IGF1R: variants seen among roughly 807,000 people sequenced by gnomAD.
IGF1R encodes the protein insulin-like growth factor 1 receptor.
Under a neutral mutation model 144.6 loss-of-function variants are expected in IGF1R, and 44 were observed. The ratio of observed to expected loss-of-function variants is 0.30; its 90% CI spans 0.24 to 0.39. IGF1R has a LOEUF of 0.39. IGF1R is among the 10% of genes least tolerant of loss of function. IGF1R has a pLI of 1.00. For synonymous variants in IGF1R, 795 were observed against 722.8 expected (o/e 1.10, Z -1.60); for missense variants, 1,355 against 1,833.7 (o/e 0.74, Z 4.77).
chr15:98,693,258 T>TA (rs1348425321), intron 1 of IGF1R, among the ~76,000 whole-genome samples: 1 of 152,240 alleles, frequency 6.6e-6, no homozygotes, highest in Non-Finnish European at 1.5e-5. Context: ...TGATGTTGGC[T>TA]ACGGGCAGGG....
chr15:98,844,904 T>C (rs1596352442), intron 2 of IGF1R, among the ~76,000 whole-genome samples: 1 of 152,324 alleles, frequency 6.6e-6, no homozygotes, highest in East Asian at 1.9e-4. Context: ...GCTTCAACTA[T>C]AATTACATTT....
intron 1 of IGF1R, among the ~76,000 whole-genome samples, chr15:98,656,819 A>C (rs528604231): frequency 1.3e-5 from 2 of 152,172 alleles, no homozygotes; most frequent in African/African-American, 2.4e-5. Context: ...CCATCGTCCA[A>C]ATTCTGCGAG....
chr15:98,845,492 T>C (rs1423834735), intron 2 of IGF1R, among the ~76,000 whole-genome samples: 1 of 99,342 alleles, frequency 1.0e-5, no homozygotes, highest in African/African-American at 3.9e-5. Flanking sequence ...TCCTCCTCCT[T>C]CCTTCTCCTC....
At chr15:98,672,339 C>G (rs1028290751) in intron 1 of IGF1R, among the ~76,000 whole-genome samples, 4 of 152,002 alleles carry the variant, frequency 2.6e-5, no homozygotes, top group African/African-American at 9.7e-5. Context: ...CCGAGGCGGG[C>G]GGATCACCTG....
intron 19 of IGF1R, among the ~76,000 whole-genome samples, chr15:98,947,712 A>T (rs1206259843): frequency 6.6e-6 from 1 of 152,174 alleles, no homozygotes; most frequent in Admixed American, 6.5e-5. Context: ...CTGCATGCAT[A>T]TGGCAGAATT....
chr15:98,774,181 C>T (rs536254706), intron 2 of IGF1R, among the ~76,000 whole-genome samples: 58 of 152,274 alleles, frequency 3.8e-4, no homozygotes, highest in African/African-American at 1.3e-3. Flanking sequence ...TCCTGAATCC[C>T]TTCAAATCAG....
intron 2 of IGF1R, among the ~76,000 whole-genome samples, chr15:98,851,920 G>T (rs2011543990): frequency 6.6e-6 from 1 of 152,244 alleles, no homozygotes; most frequent in African/African-American, 2.4e-5. Context: ...AGGGACTAAC[G>T]GGGCATCTGA....
At chr15:98,810,436 T>C (rs1300335080) in intron 2 of IGF1R, among the ~76,000 whole-genome samples, 3 of 152,242 alleles carry the variant, frequency 2.0e-5, no homozygotes, top group Non-Finnish European at 4.4e-5. Context: ...AAATTAATCT[T>C]GAGGAAAGCA....
In IGF1R at chr15:98,669,350, A is replaced by G. The variant is rs1327186697; in HGVS notation, c.94+19675A>G. 2.6e-5 allele frequency among the ~76,000 whole-genome samples: 4 copies of G among 152,146 alleles called. 1 individual carries two copies. The highest frequency in any genetic ancestry group is 4.1e-4 in the South Asian group (2 of 4,832). On this transcript the variant is annotated intron_variant, in intron 1 of 20. Transcript: ENST00000650285. ...TGTGAGGTTTTCTCTTCCCTTTTCC[A>G]TGAACTCCACCCCAATTACCTGTTT...
At chr15:98,868,843 C>G (rs933864269) in intron 2 of IGF1R, among the ~76,000 whole-genome samples, 1 of 152,206 alleles carries the variant, frequency 6.6e-6, no homozygotes, top group Non-Finnish European at 1.5e-5. Flanking sequence ...ACTAAACATT[C>G]ATTCTTCCCT....
At chr15:98,776,035 T>G (rs2055705040) in intron 2 of IGF1R, among the ~76,000 whole-genome samples, 1 of 152,204 alleles carries the variant, frequency 6.6e-6, no homozygotes, top group Non-Finnish European at 1.5e-5. Context: ...ACTTTCTCAA[T>G]CACATGTAAT....
At chr15:98,806,396 A>G (rs1374723195) in intron 2 of IGF1R, among the ~76,000 whole-genome samples, 1 of 152,174 alleles carries the variant, frequency 6.6e-6, no homozygotes, top group African/African-American at 2.4e-5. Context: ...GTTTGGGGCC[A>G]GCCCCCCAGC....
In IGF1R at chr15:98,867,049, G is replaced by A. The variant is rs118115133; in HGVS notation, c.641-24276G>A. 9.6e-3 allele frequency among the ~76,000 whole-genome samples: 1,467 copies of A among 152,212 alleles called. 11 individuals are homozygous for A. The highest frequency in any genetic ancestry group is 0.02 in the Middle Eastern group (6 of 294). On this transcript the variant is annotated intron_variant, in intron 2 of 20. Transcript: ENST00000650285. ...TCTCCATTTGTGACTGGAAGACAAGGAGGCAGACACCAATGGCGCCTCTCA... is the reference window on the plus strand; with the variant it reads ...TCTCCATTTGTGACTGGAAGACAAGAAGGCAGACACCAATGGCGCCTCTCA...
At chr15:98,781,963 T>C (rs2055870067) in intron 2 of IGF1R, among the ~76,000 whole-genome samples, 1 of 152,198 alleles carries the variant, frequency 6.6e-6, no homozygotes, top group African/African-American at 2.4e-5. Context: ...AATGTTTTCA[T>C]AGCCCAGCAA....
chr15:98,885,245 A>C (rs2013582721), intron 2 of IGF1R, among the ~76,000 whole-genome samples: 1 of 152,174 alleles, frequency 6.6e-6, no homozygotes, highest in Non-Finnish European at 1.5e-5. Flanking sequence ...CTGAGGCCTG[A>C]CTGCTAAAAT....
At chr15:98,902,973 CTT>C (rs2151662206) in intron 5 of IGF1R, among the ~76,000 whole-genome samples, 1 of 152,262 alleles carries the variant, frequency 6.6e-6, no homozygotes, top group East Asian at 1.9e-4. Context: ...AGCCTGTTGA[CTT>C]TTATATCGCA....
chr15:98,832,663 G>A (rs147353251), intron 2 of IGF1R, among the ~76,000 whole-genome samples: 5 of 152,170 alleles, frequency 3.3e-5, no homozygotes, highest in Non-Finnish European at 7.4e-5. Flanking sequence ...AAGTTAGGTG[G>A]GACACCTAAT....
chr15:98,915,497 C>A (rs2015204516), intron 8 of IGF1R, among the ~76,000 whole-genome samples: 1 of 152,208 alleles, frequency 6.6e-6, no homozygotes, highest in Non-Finnish European at 1.5e-5. Context: ...AGGCCCCTTT[C>A]CACTTCCTCT....
At position 98,649,389 on chromosome 15, in the gene IGF1R, C is replaced by T. The variant is rs1305637879; in HGVS notation, c.-193C>T. 3.1e-6 allele frequency: 1 copy of T among 322,652 alleles called. No individual in the cohort carries two copies. The highest frequency in any genetic ancestry group is 9.5e-5 in the South Asian group (1 of 10,506). 20.0% of individuals were successfully genotyped at this position (322,652 alleles called of 1,614,324 possible). A position where few individuals can be genotyped will look rare whatever the true frequency, so the allele number is the denominator to read the frequency against. ...CGCTGAGGGGCCGCCCCGCGCCGCC[C>T]GCCCCGTCCGCGCACCCGGAGGGCC... On this transcript the variant is annotated 5_prime_UTR_variant, in exon 1 of 21. Coordinates refer to ENST00000650285, the MANE Select transcript of IGF1R (RefSeq NM_000875.5).
Sources: gnomAD v4.1 joint callset for allele counts (sites outside exome capture counted in the v4.1 genomes callset) on GRCh38, gnomAD v4.1.1 for gene constraint, MANE v1.5 for transcripts, NCBI Gene and HGNC (gene_info 2026-07-23, HGNC 2026-07-21) for gene names.